The following BRK1 variants were observed in gnomAD, a reference collection of about 807,000 sequenced individuals.
BRK1 encodes the protein protein BRICK1.
A neutral mutation model predicts 9.9 loss-of-function variants in BRK1; 6 were observed. The observed-to-expected ratio is 0.60, with a 90% CI of 0.33 to 1.19. The LOEUF is 1.19. Ranked by LOEUF, BRK1 falls within the 50% of genes most tolerant of loss-of-function variation. BRK1 has a pLI of 0.04. For missense variants in BRK1, 62 were observed against 97.5 expected (o/e 0.64, Z 1.53); for synonymous variants, 44 against 31.9 (o/e 1.38, Z -1.28).
rs1425542305 is a variant in BRK1, at chr3:10,126,601, TC to T, written c.*308del. 11 of 332,592 alleles carry T rather than the reference TC, an allele frequency of 3.3e-5. No homozygotes were observed. The South Asian group carries it at 4.4e-4, about 13-fold the overall frequency. The allele number at this position is 332,592 out of a possible 1,614,324, so 20.6% of individuals were successfully genotyped here. On this transcript the variant is annotated 3_prime_UTR_variant, in exon 3 of 3. Coordinates refer to ENST00000530758, the MANE Select transcript of BRK1 (RefSeq NM_018462.5). ...AAAAGCCTGGGACTCTTTGTGAAGG[TC>T]CTCCTCACCTCTATCTTTCTTTCTC...
intron 1 of BRK1, among the ~76,000 whole-genome samples, chr3:10,122,058 T>C (rs1287729754): frequency 6.6e-6 from 1 of 151,328 alleles, no homozygotes; most frequent in Non-Finnish European, 1.5e-5. Context: ...CTTAGCTAAT[T>C]TTGTATTTTT....
At chr3:10,119,143 CAAAAA>C in intron 1 of BRK1, among the ~76,000 whole-genome samples, 1 of 67,458 alleles carries the variant, frequency 1.5e-5, no homozygotes, top group South Asian at 5.4e-4. Context: ...GACTCCATCT[CAAAAA>C]AAAAAAAAAA....
chr3:10,123,695 A>G (rs1301239912), intron 1 of BRK1, among the ~76,000 whole-genome samples: 1 of 134,996 alleles, frequency 7.4e-6, no homozygotes, highest in Non-Finnish European at 1.5e-5. Flanking sequence ...GGCCTCACAA[A>G]GTGCTGGGAT....
At position 10,126,564 on chromosome 3, in the gene BRK1, A is replaced by C. The variant is rs1017105384; in HGVS notation, c.*269A>C. 5.1e-6 allele frequency: 2 copies of C among 393,542 alleles called. No individual in the cohort carries two copies. The highest frequency in any genetic ancestry group is 9.1e-6 in the Non-Finnish European group (2 of 218,748). The allele number at this position is 393,542 out of a possible 1,614,324, so 24.4% of individuals were successfully genotyped here. A position where few individuals can be genotyped will look rare whatever the true frequency, so the allele number is the denominator to read the frequency against. On this transcript the variant is annotated 3_prime_UTR_variant, in exon 3 of 3. Transcript: ENST00000530758. ...ACATCTACTTGTCAATGTATTTGAGACATTCACAGCCAAAAGCCTGGGACT... is the reference window on the plus strand; with the variant it reads ...ACATCTACTTGTCAATGTATTTGAGCCATTCACAGCCAAAAGCCTGGGACT...
At chr3:10,117,490 T>C (rs1457753708) in intron 1 of BRK1, among the ~76,000 whole-genome samples, 1 of 150,432 alleles carries the variant, frequency 6.6e-6, no homozygotes, top group Non-Finnish European at 1.5e-5. Context: ...TCCTCCTGGA[T>C]TCAAATGATT....
In BRK1 at chr3:10,115,675, G is replaced by A. The variant is rs761270001; in HGVS notation, c.-27G>A. On this transcript the variant is annotated 5_prime_UTR_variant, in exon 1 of 3. Transcript: ENST00000530758. ...AGGCCTGTAGGGTCGGGGCGCCTGC[G>A]CAGTCGCTCTTCCTCAGGCGGCGGC... is the stretch of plus-strand genomic sequence containing the variant. The A allele has an allele frequency of 1.9e-6, 3 of 1,584,564 alleles. No individual in the cohort carries two copies. The highest frequency in any genetic ancestry group is 1.7e-6 in the Non-Finnish European group (2 of 1,153,636).
chr3:10,121,989 A>G (rs564393012), intron 1 of BRK1, among the ~76,000 whole-genome samples: 1 of 146,398 alleles, frequency 6.8e-6, no homozygotes, highest in East Asian at 2.0e-4. Flanking sequence ...TCCTGGGTTT[A>G]AACCATTCTC....
At chr3:10,122,349 G>T (rs1695769460) in intron 1 of BRK1, among the ~76,000 whole-genome samples, 1 of 152,080 alleles carries the variant, frequency 6.6e-6, no homozygotes, top group Non-Finnish European at 1.5e-5. Context: ...ATTCTTATTT[G>T]TAAAATCTTT....
At chr3:10,118,300 G>T (rs922494332) in intron 1 of BRK1, among the ~76,000 whole-genome samples, 10 of 149,376 alleles carry the variant, frequency 6.7e-5, no homozygotes, top group African/African-American at 9.9e-5. Flanking sequence ...CAAGAGTTTA[G>T]AAAAAGACCC....
intron 1 of BRK1, among the ~76,000 whole-genome samples, chr3:10,123,752 T>TC (rs71052296): frequency 7.3e-6 from 1 of 137,382 alleles, no homozygotes; most frequent in East Asian, 2.0e-4. Context: ...TTTTTTTTTT[T>TC]TGAGATGGAG....
intron 1 of BRK1, among the ~76,000 whole-genome samples, chr3:10,119,549 ATGGGCCATGTATTT>A (rs1387217195): frequency 6.6e-6 from 1 of 152,198 alleles, no homozygotes; most frequent in Non-Finnish European, 1.5e-5. Context: ...GAGAATCTGC[ATGGGCCATGTATTT>A]TGGAGAGAGA....
chr3:10,125,765 A>T, intron 2 of BRK1, 57 bp downstream of exon 2: 1 of 1,287,844 alleles, frequency 7.8e-7, no homozygotes, highest in South Asian at 1.3e-5. Context: ...CTTATTGCTG[A>T]AAAAAACCTG....
At position 10,126,346 on chromosome 3, in the gene BRK1, T is replaced by A. The variant is rs781407599; in HGVS notation, c.*51T>A. ...GTTGCTTTACACAACACAGGCCACATGGGAAAGGCCCCAGCAGCCTTCAGC... is the reference window on the plus strand; with the variant it reads ...GTTGCTTTACACAACACAGGCCACAAGGGAAAGGCCCCAGCAGCCTTCAGC... On this transcript the variant is annotated 3_prime_UTR_variant, in exon 3 of 3. Transcript: ENST00000530758. The A allele has an allele frequency of 1.3e-6, 2 of 1,526,786 alleles. No homozygotes were observed. Among genetic ancestry groups the A allele is most frequent in the African/African-American group, 1.4e-5 (1 of 72,582 alleles). 94.6% of individuals were successfully genotyped at this position (1,526,786 alleles called of 1,614,324 possible). A position where few individuals can be genotyped will look rare whatever the true frequency, so the allele number is the denominator to read the frequency against.
In BRK1 at chr3:10,125,587, G is replaced by T. The variant is rs772347028; in HGVS notation, c.119-39G>T. 1.4e-5 allele frequency: 18 copies of T among 1,285,650 alleles called. 1 individual carries two copies. In the South Asian group the frequency reaches 2.3e-4, roughly 16 times the overall value. 79.6% of individuals were successfully genotyped at this position (1,285,650 alleles called of 1,614,324 possible). A position where few individuals can be genotyped will look rare whatever the true frequency, so the allele number is the denominator to read the frequency against. ...TTGTGTGTGTCTGTGTCTGTGTTTGGAGTGACATTAATCCTGAACACCAGT... is the reference window on the plus strand; with the variant it reads ...TTGTGTGTGTCTGTGTCTGTGTTTGTAGTGACATTAATCCTGAACACCAGT... On this transcript the variant is annotated intron_variant, in intron 1 of 2. Coordinates refer to ENST00000530758, the MANE Select transcript of BRK1 (RefSeq NM_018462.5).
At chr3:10,119,143 CAAAA>C (rs74416793) in intron 1 of BRK1, among the ~76,000 whole-genome samples, 2 of 67,462 alleles carry the variant, frequency 3.0e-5, no homozygotes, top group Non-Finnish European at 3.2e-5. Context: ...GACTCCATCT[CAAAA>C]AAAAAAAAAA....
At chr3:10,118,136 C>T (rs1695711095) in intron 1 of BRK1, among the ~76,000 whole-genome samples, 1 of 151,996 alleles carries the variant, frequency 6.6e-6, no homozygotes, top group African/African-American at 2.4e-5. Flanking sequence ...ACCTGTAATC[C>T]CAGCTACTCA....
At chr3:10,118,252 CAAAAAAAAA>C (rs59622736) in intron 1 of BRK1, among the ~76,000 whole-genome samples, 1 of 67,474 alleles carries the variant, frequency 1.5e-5, no homozygotes, top group South Asian at 5.2e-4. Flanking sequence ...ACTCTGTCTC[CAAAAAAAAA>C]AAAAAAAAAG....
intron 1 of BRK1, among the ~76,000 whole-genome samples, chr3:10,121,882 CTT>C (rs911888155): frequency 4.5e-5 from 4 of 88,108 alleles, no homozygotes; most frequent in African/African-American, 1.8e-4. Flanking sequence ...CACCCGGCCA[CTT>C]TTTTTTTTTT....
At chr3:10,122,816 T>A (rs1267999549) in intron 1 of BRK1, among the ~76,000 whole-genome samples, 1 of 152,190 alleles carries the variant, frequency 6.6e-6, no homozygotes, top group Non-Finnish European at 1.5e-5. Flanking sequence ...AGATAGAATT[T>A]GAACTTAGCC....
Sources: allele counts gnomAD v4.1 joint callset (sites outside exome capture counted in the v4.1 genomes callset), GRCh38; gene constraint gnomAD v4.1.1; transcripts MANE v1.5; gene names NCBI Gene and HGNC (gene_info 2026-07-23, HGNC 2026-07-21).